Variants in CAMK4 observed in about 807,000 individuals in gnomAD.
The protein encoded by CAMK4 is calcium/calmodulin-dependent protein kinase type IV.
CAMK4 carries 22 observed loss-of-function variants against 44.9 expected under a neutral mutation model. That is an observed-to-expected ratio of 0.49 (90% CI 0.35 to 0.70). The LOEUF (loss-of-function observed/expected upper bound fraction) is 0.70, where lower values mean the gene tolerates loss of function less well. CAMK4 is among the 30% of genes least tolerant of loss of function. The probability of loss-of-function intolerance (pLI) is 0.01; values close to 1 mark genes in which losing one functional copy is unlikely to be tolerated. For synonymous variants in CAMK4, 218 were observed against 215.4 expected, an observed-to-expected ratio of 1.01 and a Z score of -0.11; for missense variants, 498 against 586.8, an observed-to-expected ratio of 0.85 and a Z score of 1.56.
intron 1 of CAMK4, among the ~76,000 whole-genome samples, chr5:111,328,385 C>G (rs1185900922): frequency 6.6e-6 from 1 of 151,610 alleles, no homozygotes; most frequent in African/African-American, 2.4e-5. Flanking sequence ...TGTTTTGGTA[C>G]CAGTACCTTG....
At chr5:111,469,017 A>C (rs1318331295) in intron 7 of CAMK4, among the ~76,000 whole-genome samples, 3 of 143,428 alleles carry the variant, frequency 2.1e-5, no homozygotes, top group African/African-American at 7.8e-5. Flanking sequence ...GGTGGCAAGC[A>C]CCTGTAATCC....
intron 1 of CAMK4, among the ~76,000 whole-genome samples, chr5:111,332,237 C>T (rs1248454053): frequency 1.3e-5 from 1 of 77,744 alleles, no homozygotes; most frequent in Non-Finnish European, 2.7e-5. Context: ...CCCCTCCCCC[C>T]ACCCCACAAC....
At chr5:111,430,019 G>T (rs1342783122) in intron 5 of CAMK4, among the ~76,000 whole-genome samples, 1 of 150,086 alleles carries the variant, frequency 6.7e-6, no homozygotes, top group African/African-American at 2.4e-5. Flanking sequence ...TATCAAAAAA[G>T]AAAACTACAG....
At chr5:111,445,834 T>C (rs1471085893) in intron 5 of CAMK4, among the ~76,000 whole-genome samples, 1 of 152,168 alleles carries the variant, frequency 6.6e-6, no homozygotes, top group African/African-American at 2.4e-5. Flanking sequence ...CATTAGTGAA[T>C]CTAGCCCAGT....
chr5:111,380,759 G>T (rs139592099), intron 4 of CAMK4, among the ~76,000 whole-genome samples: 2 of 152,248 alleles, frequency 1.3e-5, no homozygotes, highest in East Asian at 3.9e-4. Context: ...ATGTGTAAAA[G>T]GTTTTAGAAT....
At chr5:111,398,246 T>C (rs1457744823) in intron 5 of CAMK4, among the ~76,000 whole-genome samples, 1 of 152,228 alleles carries the variant, frequency 6.6e-6, no homozygotes, top group Non-Finnish European at 1.5e-5. Context: ...TTGATCTTAA[T>C]TTCAAAATTC....
chr5:111,255,283 G>A (rs1015724554), intron 1 of CAMK4, among the ~76,000 whole-genome samples: 9 of 152,162 alleles, frequency 5.9e-5, no homozygotes, highest in Non-Finnish European at 1.2e-4. Context: ...CATTGGATCT[G>A]CTCACTTTGG....
chr5:111,352,862 A>G (rs1478957201), intron 2 of CAMK4, among the ~76,000 whole-genome samples: 1 of 152,066 alleles, frequency 6.6e-6, no homozygotes, highest in Non-Finnish European at 1.5e-5. Context: ...CCAATACATG[A>G]ACTTTGGGGA....
intron 1 of CAMK4, among the ~76,000 whole-genome samples, chr5:111,248,012 G>A (rs2434723): frequency 0.22 from 33,401 of 152,036 alleles, 4,075 homozygotes; most frequent in Non-Finnish European, 0.28. Context: ...ATTTGATCAA[G>A]GACTTTTTGT....
chr5:111,418,819 C>A (rs1470277085), intron 5 of CAMK4, among the ~76,000 whole-genome samples: 1 of 152,148 alleles, frequency 6.6e-6, no homozygotes, highest in Admixed American at 6.5e-5. Context: ...ATATGGGCCA[C>A]ATTTTCTTAA....
intron 7 of CAMK4, among the ~76,000 whole-genome samples, chr5:111,457,869 G>C (rs994498647): frequency 6.6e-6 from 1 of 152,178 alleles, no homozygotes. Flanking sequence ...ACCCAAGAAT[G>C]AATTAAATAC....
chr5:111,344,175 G>A (rs387238), intron 2 of CAMK4, 73 bp downstream of exon 2: 382,447 of 904,776 alleles, frequency 0.42, 81,997 homozygotes, highest in Non-Finnish European at 0.45. Context: ...CTGATTTGAA[G>A]AACAAAGGGG....
chr5:111,343,901 T>C (rs1749751872), intron 1 of CAMK4, 123 bp from the exon 2 acceptor site: 5 of 625,600 alleles, frequency 8.0e-6, no homozygotes, highest in East Asian at 2.7e-5. Context: ...GGTCCTATAA[T>C]AGAACTTATA....
rs1193941530 is a variant in CAMK4, at chr5:111,489,322, C to T, written c.*4856C>T. ...ACAGTAACCAAGTTCAGTATTTCCT[C>T]TTTCTATATTTTGACCAATATATTA... On this transcript the variant is annotated 3_prime_UTR_variant, in exon 11 of 11. Coordinates refer to ENST00000282356, the MANE Select transcript of CAMK4 (RefSeq NM_001744.6). The T allele has an allele frequency of 6.6e-6, 1 of 152,150 alleles. No homozygotes were observed. Among genetic ancestry groups the T allele is most frequent in the African/African-American group, 2.4e-5 (1 of 41,438 alleles). 9.4% of individuals were successfully genotyped at this position (152,150 alleles called of 1,614,324 possible). A position where few individuals can be genotyped will look rare whatever the true frequency, so the allele number is the denominator to read the frequency against.
chr5:111,471,960 C>T (rs31618), intron 7 of CAMK4, among the ~76,000 whole-genome samples: 43,200 of 151,634 alleles, frequency 0.28, 6,375 homozygotes, highest in Non-Finnish European at 0.32. Context: ...AGTGCAGCGG[C>T]GCCATCTCTG....
intron 7 of CAMK4, among the ~76,000 whole-genome samples, chr5:111,455,077 C>T (rs999251001): frequency 1.3e-5 from 2 of 152,136 alleles, no homozygotes; most frequent in African/African-American, 4.8e-5. Flanking sequence ...AAAAATGTCC[C>T]ATGTGCTAAG....
At chr5:111,483,975 G>A (rs761441931) in intron 10 of CAMK4, 51 bp from the exon 11 acceptor site, 2 of 1,379,400 alleles carry the variant, frequency 1.4e-6, no homozygotes, top group Middle Eastern at 2.4e-4. Context: ...GAGCTCTGAT[G>A]TGGGGTGTTA....
intron 1 of CAMK4, among the ~76,000 whole-genome samples, chr5:111,298,932 T>C (rs535593612): frequency 3.9e-5 from 6 of 152,368 alleles, no homozygotes; most frequent in East Asian, 3.9e-4. Flanking sequence ...CAGAGCCTTA[T>C]TGACGACCAC....
chr5:111,322,942 T>C (rs1561410916), intron 1 of CAMK4, among the ~76,000 whole-genome samples: 1 of 152,038 alleles, frequency 6.6e-6, no homozygotes, highest in Non-Finnish European at 1.5e-5. Flanking sequence ...CAATAGAAAT[T>C]GTCCAATCTG....
Sources: gnomAD v4.1 joint callset for allele counts (sites outside exome capture counted in the v4.1 genomes callset) on GRCh38, gnomAD v4.1.1 for gene constraint, MANE v1.5 for transcripts, NCBI Gene and HGNC (gene_info 2026-07-23, HGNC 2026-07-21) for gene names.